Variants in SPSB4 observed in about 807,000 individuals in gnomAD.
SPSB4 encodes SPRY domain-containing SOCS box protein 4.
In SPSB4, 21 loss-of-function variants were observed where a neutral mutation model predicts 20.9. The observed-to-expected ratio is 1.01, with a 90% CI of 0.71 to 1.45. The LOEUF is 1.45. Among genes scored for constraint, SPSB4 ranks in the 40% most tolerant of loss-of-function variants. The pLI is 0.00. For missense variants in SPSB4, 399 were observed against 399.2 expected (o/e 1.00, Z 0.00); for synonymous variants, 207 against 183.8 (o/e 1.13, Z -1.02).
intron 2 of SPSB4, among the ~76,000 whole-genome samples, chr3:141,139,368 T>C (rs1027925929): frequency 6.6e-6 from 1 of 152,188 alleles, no homozygotes; most frequent in South Asian, 2.1e-4. Context: ...GTGAATGTGA[T>C]CCTGCCATTA....
At chr3:141,083,101 C>T (rs985584826) in intron 2 of SPSB4, among the ~76,000 whole-genome samples, 3 of 152,164 alleles carry the variant, frequency 2.0e-5, no homozygotes, top group Non-Finnish European at 4.4e-5. Context: ...TTTCTTTGGC[C>T]TCAACGTGGT....
intron 2 of SPSB4, among the ~76,000 whole-genome samples, chr3:141,105,939 C>T (rs919521158): frequency 1.3e-5 from 2 of 152,194 alleles, no homozygotes; most frequent in African/African-American, 2.4e-5. Context: ...TAAAATTCCA[C>T]ACTACATGTG....
At chr3:141,077,825 A>G (rs553439958) in intron 2 of SPSB4, among the ~76,000 whole-genome samples, 1 of 152,272 alleles carries the variant, frequency 6.6e-6, no homozygotes, top group South Asian at 2.1e-4. Context: ...GAAGCCCAGA[A>G]CTCACAAGTT....
intron 2 of SPSB4, among the ~76,000 whole-genome samples, chr3:141,091,123 G>A (rs192928412): frequency 5.1e-4 from 77 of 152,274 alleles, no homozygotes; most frequent in Admixed American, 6.5e-4. Context: ...GATGCCCATC[G>A]GACATCCATG....
intron 2 of SPSB4, among the ~76,000 whole-genome samples, chr3:141,107,311 G>T (rs1473273340): frequency 1.3e-5 from 2 of 152,092 alleles, no homozygotes; most frequent in Admixed American, 1.3e-4. Flanking sequence ...GTAAATCAGA[G>T]TGATAAGACT....
At chr3:141,114,919 C>T (rs1436680815) in intron 2 of SPSB4, among the ~76,000 whole-genome samples, 1 of 152,152 alleles carries the variant, frequency 6.6e-6, no homozygotes, top group Non-Finnish European at 1.5e-5. Flanking sequence ...TGGGCGTTGA[C>T]CAGTGTCTTG....
chr3:141,087,666 A>T (rs115299400), intron 2 of SPSB4, among the ~76,000 whole-genome samples: 14 of 152,190 alleles, frequency 9.2e-5, no homozygotes, highest in African/African-American at 3.4e-4. Flanking sequence ...TTGAGGTTGC[A>T]AGGCCAGGGA....
intron 1 of SPSB4, among the ~76,000 whole-genome samples, chr3:141,057,484 C>CTT (rs1937669837): frequency 6.6e-6 from 1 of 152,202 alleles, no homozygotes; most frequent in African/African-American, 2.4e-5. Context: ...CAGTGTATTG[C>CTT]TTTTCTTCAT....
At chr3:141,143,683 C>T (rs1238393603) in intron 2 of SPSB4, among the ~76,000 whole-genome samples, 1 of 152,250 alleles carries the variant, frequency 6.6e-6, no homozygotes, top group African/African-American at 2.4e-5. Context: ...ACTCCTGTTT[C>T]TCCTTCCTTG....
At position 141,065,640 on chromosome 3, in the gene SPSB4, A is replaced by T. The variant is rs77081785; in HGVS notation, c.-153-312A>T. The stretch of plus-strand genomic sequence containing the variant: ...ATGACCTTGGTTTGAATCTTGGCTC[A>T]GTCACTTATTTGCAGTGGGACTTCG... On this transcript the variant is annotated intron_variant, in intron 1 of 2. Coordinates refer to ENST00000310546, the MANE Select transcript of SPSB4 (RefSeq NM_080862.3). 3.8e-3 allele frequency among the ~76,000 whole-genome samples: 585 copies of T among 152,366 alleles called. 7 individuals are homozygous for T. The highest frequency in any genetic ancestry group is 0.013 in the African/African-American group (559 of 41,590).
chr3:141,093,189 G>A (rs960220120), intron 2 of SPSB4, among the ~76,000 whole-genome samples: 25 of 151,998 alleles, frequency 1.6e-4, no homozygotes, highest in African/African-American at 5.6e-4. Flanking sequence ...GAGACGAAAT[G>A]GTTCTCTTTC....
chr3:141,055,313 T>C (rs1353285625), intron 1 of SPSB4, among the ~76,000 whole-genome samples: 1 of 149,660 alleles, frequency 6.7e-6, no homozygotes, highest in Non-Finnish European at 1.5e-5. Flanking sequence ...GGCAGGGGAG[T>C]GAGAGAATGT....
At chr3:141,115,040 G>A (rs915550395) in intron 2 of SPSB4, 3 of 152,226 alleles carry the variant, frequency 2.0e-5, no homozygotes, top group Admixed American at 2.0e-4. Flanking sequence ...GTGTGAGGAG[G>A]ACTGAGTAAG....
intron 1 of SPSB4, among the ~76,000 whole-genome samples, chr3:141,054,202 C>T (rs1305136548): frequency 6.6e-6 from 1 of 152,194 alleles, no homozygotes; most frequent in Non-Finnish European, 1.5e-5. Context: ...AGCTGCCCGA[C>T]CTGTTGTCAC....
At chr3:141,100,856 G>A (rs918737844) in intron 2 of SPSB4, among the ~76,000 whole-genome samples, 3 of 152,080 alleles carry the variant, frequency 2.0e-5, no homozygotes, top group Admixed American at 6.5e-5. Flanking sequence ...GAGAAGGGAG[G>A]GTGCCCTGGT....
chr3:141,099,493 C>T (rs1302201557), intron 2 of SPSB4, among the ~76,000 whole-genome samples: 1 of 152,036 alleles, frequency 6.6e-6, no homozygotes, highest in Non-Finnish European at 1.5e-5. Flanking sequence ...ATACATTTAC[C>T]ACCCATGTTA....
intron 2 of SPSB4, among the ~76,000 whole-genome samples, chr3:141,136,166 C>T (rs565181240): frequency 6.6e-6 from 1 of 152,258 alleles, no homozygotes; most frequent in Admixed American, 6.5e-5. Flanking sequence ...TGTTCATATC[C>T]TTTGCCCACT....
chr3:141,119,902 GTCTCTA>G (rs1938938037), intron 2 of SPSB4, among the ~76,000 whole-genome samples: 1 of 151,720 alleles, frequency 6.6e-6, no homozygotes, highest in Admixed American at 6.6e-5. Flanking sequence ...GTTTTTTTGT[GTCTCTA>G]TCTCCTTCAG....
chr3:141,057,674 A>G (rs1937680396), intron 1 of SPSB4, among the ~76,000 whole-genome samples: 1 of 152,166 alleles, frequency 6.6e-6, no homozygotes, highest in African/African-American at 2.4e-5. Flanking sequence ...GCACAAGTAC[A>G]AGGGCTCTGA....
Sources: gnomAD v4.1 joint callset for allele counts (sites outside exome capture counted in the v4.1 genomes callset) on GRCh38, gnomAD v4.1.1 for gene constraint, MANE v1.5 for transcripts, NCBI Gene and HGNC (gene_info 2026-07-23, HGNC 2026-07-21) for gene names.